DCAF4L1: variants seen among roughly 807,000 people sequenced by gnomAD.
DCAF4L1 encodes DDB1- and CUL4-associated factor 4-like protein 1.
DCAF4L1 carries 4 observed loss-of-function variants against 28.2 expected under a neutral mutation model. The ratio of observed to expected loss-of-function variants is 0.14; its 90% CI spans 0.07 to 0.33. DCAF4L1 has a LOEUF of 0.33. Ranked by LOEUF, DCAF4L1 falls within the 10% of genes least tolerant of loss-of-function variation. DCAF4L1 has a pLI of 1.00. For synonymous variants in DCAF4L1, 252 were observed against 212.1 expected (o/e 1.19, Z -1.63); for missense variants, 331 against 506.1 (o/e 0.65, Z 3.32).
In DCAF4L1 at chr4:41,982,366, C is replaced by T. The variant is rs750689709; in HGVS notation, c.574C>T (p.Leu192Phe). 16 of 1,614,120 alleles carry T rather than the reference C, an allele frequency of 9.9e-6. No individual in the cohort carries two copies. The highest frequency in any genetic ancestry group is 2.2e-5 in the East Asian group (1 of 44,898). Residue 192 changes from leucine (L) to phenylalanine (F), a missense_variant, in exon 1 of 1, where the codon CTC becomes TTC. Physicochemically the swap from Leu to Phe is conservative, Grantham distance 22. Coordinates refer to ENST00000333141, the MANE Select transcript of DCAF4L1 (RefSeq NM_001029955.4). This position sits in a 1 kb window ranked among gnomAD's most constrained non-coding sequence, Gnocchi z 4.4. The part of the protein sequence containing the change: ...IPEAWSCAWS[L>F]NTRAYHCFSA... Reference sequence around the variant, plus strand: ...AGAGGCCTGGTCCTGTGCGTGGTCCCTCAACACCCGGGCATATCACTGCTT... The same window carrying T: ...AGAGGCCTGGTCCTGTGCGTGGTCCTTCAACACCCGGGCATATCACTGCTT...
rs1408513628 is a variant in DCAF4L1, at chr4:41,981,999, G to T, written c.207G>T (p.Leu69Phe). The change falls in exon 1 of 1, where the codon TTG (leucine) becomes TTT (phenylalanine). Residue 69 changes from leucine to phenylalanine, a missense_variant. Physicochemically the swap from Leu to Phe is conservative, Grantham distance 22. Coordinates refer to ENST00000333141, the MANE Select transcript of DCAF4L1 (RefSeq NM_001029955.4). The stretch of plus-strand genomic sequence containing the variant: ...TTCGGAGCTTGGATCCCTCCTCTTT[G>T]GCGAGCGACCGATTTAACTTCATTC... The part of the protein sequence containing the change: ...VQIRSLDPSS[L>F]ASDRFNFILA... 3 of 1,614,100 alleles carry T rather than the reference G, an allele frequency of 1.9e-6. No individual in the cohort carries two copies. Among genetic ancestry groups the T allele is most frequent in the Admixed American group, 3.3e-5 (2 of 60,010 alleles).
At position 41,984,440 on chromosome 4, in the gene DCAF4L1, C is replaced by CTTTTTTTTT. The variant is rs71198696; in HGVS notation, c.*1467_*1475dup. 1 of 128,388 alleles carries CTTTTTTTTT rather than the reference C, an allele frequency of 7.8e-6. No individual in the cohort carries two copies. Among genetic ancestry groups the CTTTTTTTTT allele is most frequent in the Non-Finnish European group, 1.6e-5 (1 of 62,104 alleles). 8.0% of individuals were successfully genotyped at this position (128,388 alleles called of 1,614,324 possible). ...AAAGTGAAAGAAAAAAGGATGGCAG[C>CTTTTTTTTT]TTTTTTTTTTTTTTTTTTGAGACGG... On this transcript the variant is annotated 3_prime_UTR_variant, in exon 1 of 1. Transcript: ENST00000333141.
At position 41,984,523 on chromosome 4, in the gene DCAF4L1, C is replaced by G. The variant is rs1714090541; in HGVS notation, c.*1540C>G. Reference sequence around the variant, plus strand: ...TGGCGCGATCTCGGCTCACTGCAAGCTCTGAGGATGGCAGCTTTTTTGTTA... The same window carrying G: ...TGGCGCGATCTCGGCTCACTGCAAGGTCTGAGGATGGCAGCTTTTTTGTTA... On this transcript the variant is annotated 3_prime_UTR_variant, in exon 1 of 1. Coordinates refer to ENST00000333141, the MANE Select transcript of DCAF4L1 (RefSeq NM_001029955.4). The G allele has an allele frequency of 6.2e-6, 1 of 161,788 alleles. No homozygotes were observed. Among genetic ancestry groups the G allele is most frequent in the Admixed American group, 7.1e-5 (1 of 14,106 alleles). 10.0% of individuals were successfully genotyped at this position (161,788 alleles called of 1,614,324 possible). A position where few individuals can be genotyped will look rare whatever the true frequency, so the allele number is the denominator to read the frequency against.
chr4:41,982,733 A>G lies in DCAF4L1; in HGVS notation c.941A>G (p.Glu314Gly), dbSNP rs774073102. ...CVRQYEGHVN[E>G]SAYLPLHVHE... ...AGGCAGTACGAAGGTCACGTGAATG[A>G]GTCCGCCTATCTGCCCCTGCATGTG... Residue 314 changes from glutamate to glycine, a missense_variant, in exon 1 of 1, where the codon GAG becomes GGG. Coordinates refer to ENST00000333141, the MANE Select transcript of DCAF4L1 (RefSeq NM_001029955.4). This position sits in a 1 kb window ranked among gnomAD's most constrained non-coding sequence, Gnocchi z 4.4. 1 of 1,614,252 alleles carries G rather than the reference A, an allele frequency of 6.2e-7. No individual in the cohort carries two copies. Among genetic ancestry groups the G allele is most frequent in the Non-Finnish European group, 8.5e-7 (1 of 1,180,056 alleles).
rs1297507376 is a variant in DCAF4L1, at chr4:41,985,035, A to C, written c.*2052A>C. On this transcript the variant is annotated 3_prime_UTR_variant, in exon 1 of 1. Coordinates refer to ENST00000333141, the MANE Select transcript of DCAF4L1 (RefSeq NM_001029955.4). ...GTCCCTTTTACATTGTAAGCATTCA[A>C]AATAAAACAAAACAATTAATGAAGA... 4 of 167,068 alleles carry C rather than the reference A, an allele frequency of 2.4e-5. No individual in the cohort carries two copies. The highest frequency in any genetic ancestry group is 5.9e-5 in the Non-Finnish European group (4 of 68,122). The allele number at this position is 167,068 out of a possible 1,614,324, so 10.3% of individuals were successfully genotyped here. A position where few individuals can be genotyped will look rare whatever the true frequency, so the allele number is the denominator to read the frequency against.
Position 41,982,997 on chromosome 4 carries a change from A to G in DCAF4L1, c.*14A>G. On this transcript the variant is annotated 3_prime_UTR_variant, in exon 1 of 1. Coordinates refer to ENST00000333141, the MANE Select transcript of DCAF4L1 (RefSeq NM_001029955.4). The surrounding 1 kb of genome is among the most constrained non-coding windows in gnomAD (Gnocchi z 4.4). The stretch of plus-strand genomic sequence containing the variant: ...CCCTTCAGCTAATTCTGCAGGTGGC[A>G]GCGCGGCCGAATGTGGATTTGACTT... The G allele has an allele frequency of 6.3e-7, 1 of 1,580,126 alleles. No individual in the cohort carries two copies. Among genetic ancestry groups the G allele is most frequent in the South Asian group, 1.2e-5 (1 of 85,380 alleles).
rs903781643 is a variant in DCAF4L1 at position 41,982,647 on chromosome 4, G to C, written c.855G>C (p.Leu285=). ...AAATCCTCCAAGAAGAGCAATGCCTGATGGCATCAGACATGACTGGAAAGA... is the reference window on the plus strand; with the variant it reads ...AAATCCTCCAAGAAGAGCAATGCCTCATGGCATCAGACATGACTGGAAAGA... ...SVQILQEEQC[L]MASDMTGKIK... is the part of the protein sequence containing the mutation. Residue 285 remains leucine (L), a synonymous_variant, in exon 1 of 1, where the codon CTG becomes CTC. Coordinates refer to ENST00000333141, the MANE Select transcript of DCAF4L1 (RefSeq NM_001029955.4). This position sits in a 1 kb window ranked among gnomAD's most constrained non-coding sequence, Gnocchi z 4.4. 1 of 1,614,258 alleles carries C rather than the reference G, an allele frequency of 6.2e-7. No individual in the cohort carries two copies. The highest frequency in any genetic ancestry group is 8.5e-7 in the Non-Finnish European group (1 of 1,180,046).
rs1713989672 is a variant in DCAF4L1 at position 41,981,803 on chromosome 4, A to G, written c.11A>G (p.Glu4Gly). The part of the protein sequence containing the change: MEA[E>G]RLRLLEEEAK... ...ATTCCGCAGGAGGAAATGGAGGCTG[A>G]AAGGCTGCGACTCCTCGAGGAAGAG... The change falls in exon 1 of 1, where the codon GAA becomes GGA. Residue 4 changes from glutamate to glycine, a missense_variant. Physicochemically the swap from Glu to Gly is moderately conservative, Grantham distance 98. Transcript: ENST00000333141. 1 of 1,613,798 alleles carries G rather than the reference A, an allele frequency of 6.2e-7. No individual in the cohort carries two copies. The highest frequency in any genetic ancestry group is 1.3e-5 in the African/African-American group (1 of 74,928).
rs1714088393 is a variant in DCAF4L1 at position 41,984,458 on chromosome 4, T to TTTTTTTTTG, written c.*1475_*1476insTTTTTTTTG. 1 of 162,354 alleles carries TTTTTTTTTG rather than the reference T, an allele frequency of 6.2e-6. No individual in the cohort carries two copies. The highest frequency in any genetic ancestry group is 1.5e-5 in the Non-Finnish European group (1 of 67,716). 10.1% of individuals were successfully genotyped at this position (162,354 alleles called of 1,614,324 possible). A position where few individuals can be genotyped will look rare whatever the true frequency, so the allele number is the denominator to read the frequency against. ...ATGGCAGCTTTTTTTTTTTTTTTTT[T>TTTTTTTTTG]GAGACGGAGTCTCCTTCTGTCGCCC... is the stretch of plus-strand genomic sequence containing the variant. On this transcript the variant is annotated 3_prime_UTR_variant, in exon 1 of 1. Transcript: ENST00000333141.
In DCAF4L1 at chr4:41,985,130, CTGATA is replaced by C. The variant is rs1320530877; in HGVS notation, c.*2150_*2154del. 1 of 166,474 alleles carries C rather than the reference CTGATA, an allele frequency of 6.0e-6. No individual in the cohort carries two copies. Among genetic ancestry groups the C allele is most frequent in the Non-Finnish European group, 1.5e-5 (1 of 68,032 alleles). 10.3% of individuals were successfully genotyped at this position (166,474 alleles called of 1,614,324 possible). On this transcript the variant is annotated 3_prime_UTR_variant, in exon 1 of 1. Transcript: ENST00000333141. ...TATGTATATATATATATGTCTGATA[CTGATA>C]TGTCATTTATTTGGCAATTGACAAA...
rs1560527414 is a variant in DCAF4L1, at chr4:41,982,884, C to T, written c.1092C>T (p.Pro364=). 1 of 1,614,224 alleles carries T rather than the reference C, an allele frequency of 6.2e-7. No homozygotes were observed. The highest frequency in any genetic ancestry group is 8.5e-7 in the Non-Finnish European group (1 of 1,180,048). The part of the protein sequence containing the change: ...SPYSASEDDI[P]SVAFASRLGG... ...ACTCTGCCTCCGAGGACGACATTCC[C>T]AGCGTGGCCTTCGCTTCTCGGCTCG... The change falls in exon 1 of 1, where the codon CCC becomes CCT. Residue 364 remains proline, a synonymous_variant. Transcript: ENST00000333141. The surrounding 1 kb of genome is among the most constrained non-coding windows in gnomAD (Gnocchi z 4.4).
In DCAF4L1 at chr4:41,985,473, T is replaced by A. The variant is rs1714124020; in HGVS notation, c.*2490T>A. The A allele has an allele frequency of 6.0e-6, 1 of 167,116 alleles. No individual in the cohort carries two copies. Among genetic ancestry groups the A allele is most frequent in the Non-Finnish European group, 1.5e-5 (1 of 68,116 alleles). 10.4% of individuals were successfully genotyped at this position (167,116 alleles called of 1,614,324 possible). On this transcript the variant is annotated 3_prime_UTR_variant, in exon 1 of 1. Transcript: ENST00000333141. ...TGGTGCAGTTGTGAGCAAATAGAAC[T>A]TTCATATACTGTTGAGTGTATACTG...
At position 41,985,426 on chromosome 4, in the gene DCAF4L1, G is replaced by C. The variant is rs1194266020; in HGVS notation, c.*2443G>C. On this transcript the variant is annotated 3_prime_UTR_variant, in exon 1 of 1. Coordinates refer to ENST00000333141, the MANE Select transcript of DCAF4L1 (RefSeq NM_001029955.4). ...AATAGATCAGGTGGAGTGACGTTGG[G>C]AATTAAAAGAGAAGCAAATGTTGGT... 1 of 167,066 alleles carries C rather than the reference G, an allele frequency of 6.0e-6. No homozygotes were observed. The highest frequency in any genetic ancestry group is 6.5e-5 in the Admixed American group (1 of 15,292). The allele number at this position is 167,066 out of a possible 1,614,324, so 10.3% of individuals were successfully genotyped here.
rs147592712 is a variant in DCAF4L1 at position 41,984,192 on chromosome 4, C to G, written c.*1209C>G. 6.0e-6 allele frequency: 1 copy of G among 166,424 alleles called. No homozygotes were observed. The highest frequency in any genetic ancestry group is 2.4e-5 in the African/African-American group (1 of 41,466). The allele number at this position is 166,424 out of a possible 1,614,324, so 10.3% of individuals were successfully genotyped here. On this transcript the variant is annotated 3_prime_UTR_variant, in exon 1 of 1. Coordinates refer to ENST00000333141, the MANE Select transcript of DCAF4L1 (RefSeq NM_001029955.4). The stretch of plus-strand genomic sequence containing the variant: ...TCTTTATCTTGACACTTGATACATA[C>G]GTAATTCATATATCTATATGCTTCA...
Position 41,984,536 on chromosome 4 carries a change from A to G in DCAF4L1, c.*1553A>G, listed in dbSNP as rs1203080560. The G allele has an allele frequency of 6.2e-6, 1 of 161,150 alleles. No homozygotes were observed. Among genetic ancestry groups the G allele is most frequent in the Non-Finnish European group, 1.5e-5 (1 of 67,402 alleles). 10.0% of individuals were successfully genotyped at this position (161,150 alleles called of 1,614,324 possible). The stretch of plus-strand genomic sequence containing the variant: ...GCTCACTGCAAGCTCTGAGGATGGC[A>G]GCTTTTTTGTTAACTTTAGAACTGG... On this transcript the variant is annotated 3_prime_UTR_variant, in exon 1 of 1. Transcript: ENST00000333141.
rs531834078 is a variant in DCAF4L1 at position 41,985,421 on chromosome 4, G to A, written c.*2438G>A. On this transcript the variant is annotated 3_prime_UTR_variant, in exon 1 of 1. Transcript: ENST00000333141. ...AATAAAATAGATCAGGTGGAGTGACGTTGGGAATTAAAAGAGAAGCAAATG... is the reference window on the plus strand; with the variant it reads ...AATAAAATAGATCAGGTGGAGTGACATTGGGAATTAAAAGAGAAGCAAATG... The A allele has an allele frequency of 1.4e-4, 23 of 167,194 alleles. No individual in the cohort carries two copies. Among genetic ancestry groups the A allele is most frequent in the African/African-American group, 5.5e-4 (23 of 41,566 alleles). The allele number at this position is 167,194 out of a possible 1,614,324, so 10.4% of individuals were successfully genotyped here.
At position 41,985,124 on chromosome 4, in the gene DCAF4L1, C is replaced by T. The variant is rs1485239145; in HGVS notation, c.*2141C>T. ...CATATATATGTATATATATATATGT[C>T]TGATACTGATATGTCATTTATTTGG... On this transcript the variant is annotated 3_prime_UTR_variant, in exon 1 of 1. Coordinates refer to ENST00000333141, the MANE Select transcript of DCAF4L1 (RefSeq NM_001029955.4). 3 of 164,572 alleles carry T rather than the reference C, an allele frequency of 1.8e-5. No individual in the cohort carries two copies. Among genetic ancestry groups the T allele is most frequent in the African/African-American group, 7.6e-5 (3 of 39,684 alleles). 10.2% of individuals were successfully genotyped at this position (164,572 alleles called of 1,614,324 possible). A position where few individuals can be genotyped will look rare whatever the true frequency, so the allele number is the denominator to read the frequency against.
At position 41,982,583 on chromosome 4, in the gene DCAF4L1, C is replaced by T. The variant is rs757191251; in HGVS notation, c.791C>T (p.Ala264Val). The change falls in exon 1 of 1, where the codon GCC becomes GTC. Residue 264 changes from alanine to valine, a missense_variant. Transcript: ENST00000333141. This position sits in a 1 kb window ranked among gnomAD's most constrained non-coding sequence, Gnocchi z 4.4. ...AGAAATCGAGGCAAGGGGTGGAGGG[C>T]CACTCGCCTGTTCCATGACTCAGCA... is the stretch of plus-strand genomic sequence containing the variant. ...RCRNRGKGWR[A>V]TRLFHDSAVT... 2 of 1,614,174 alleles carry T rather than the reference C, an allele frequency of 1.2e-6. No individual in the cohort carries two copies. Among genetic ancestry groups the T allele is most frequent in the South Asian group, 2.2e-5 (2 of 91,084 alleles).
In DCAF4L1 at chr4:41,982,696, A is replaced by G. The variant is rs558190804; in HGVS notation, c.904A>G (p.Thr302Ala). 2.5e-6 allele frequency: 4 copies of G among 1,614,112 alleles called. No homozygotes were observed. The highest frequency in any genetic ancestry group is 3.4e-6 in the Non-Finnish European group (4 of 1,180,042). Reference sequence around the variant, plus strand: ...GATCAAGCTGTGGGATCTGAGGGCCACTAAATGTGTAAGGCAGTACGAAGG... The same window carrying G: ...GATCAAGCTGTGGGATCTGAGGGCCGCTAAATGTGTAAGGCAGTACGAAGG... ...GKIKLWDLRA[T>A]KCVRQYEGHV... Residue 302 changes from threonine (T) to alanine (A), a missense_variant, in exon 1 of 1, where the codon ACT becomes GCT. Transcript: ENST00000333141. This position sits in a 1 kb window ranked among gnomAD's most constrained non-coding sequence, Gnocchi z 4.4.
Sources: gnomAD v4.1 joint callset for allele counts on GRCh38, gnomAD v4.1.1 for gene constraint, Gnocchi (gnomAD v3.1) non-coding constraint, MANE v1.5 for transcripts, NCBI Gene and HGNC (gene_info 2026-07-23, HGNC 2026-07-21) for gene names.